The following RDH13 variants were observed in gnomAD, a reference collection of about 807,000 sequenced individuals.
RDH13 encodes retinol dehydrogenase 13 (all-trans and 9-cis).
RDH13 carries 35 observed loss-of-function variants against 28.3 expected under a neutral mutation model. The observed-to-expected ratio is 1.24, with a 90% confidence interval of 0.95 to 1.64. The LOEUF is 1.64. Ranked by LOEUF, RDH13 falls within the 40% of genes most tolerant of loss-of-function variation. The pLI is 0.00. For missense variants in RDH13, 514 were observed against 446.3 expected (o/e 1.15, Z -1.37); for synonymous variants, 229 against 198.5 (o/e 1.15, Z -1.29).
rs372123620 is a variant in RDH13, at chr19:55,057,866, G to A, written c.185-1058C>T. Among the ~76,000 whole-genome samples the A allele has an allele frequency of 6.0e-5, 9 of 149,220 alleles. No homozygotes were observed. The South Asian group carries it at 1.1e-3, about 18-fold the overall frequency. On this transcript the variant is annotated intron_variant, in intron 2 of 6. Transcript: ENST00000415061. The stretch of plus-strand genomic sequence containing the variant: ...CTGCTGCCGCGGCTGGAGTGCTGGC[G>A]CCATCACAGCTCATTCAGCCTTGAA...
At chr19:55,068,762 G>C (rs949344162) in intron 1 of RDH13, 1 of 146,438 alleles carries the variant, frequency 6.8e-6, no homozygotes, top group Non-Finnish European at 1.5e-5. Flanking sequence ...CGTGAACCCG[G>C]GAGGCGGAGC....
intron 3 of RDH13, among the ~76,000 whole-genome samples, chr19:55,052,063 CTTTTTTTTTTT>C (rs111427426): frequency 0.53 from 63,993 of 121,758 alleles, 15,101 homozygotes; most frequent in Middle Eastern, 0.61. Flanking sequence ...ACTGCCTCAA[CTTTTTTTTTTT>C]TTTTTTTTTT....
chr19:55,042,247 C>T (rs984004164), downstream of RDH13: 2 of 152,180 alleles, frequency 1.3e-5, no homozygotes, highest in Non-Finnish European at 2.9e-5. Context: ...TCCTCCGTCC[C>T]ACGCAATGGG....
upstream of RDH13, among the ~76,000 whole-genome samples, chr19:55,064,830 C>G (rs1026590997): frequency 1.3e-5 from 2 of 150,042 alleles, no homozygotes; most frequent in Non-Finnish European, 2.9e-5. Context: ...CCAGGTTGGT[C>G]TCAAACTCCT....
At chr19:55,058,072 C>T (rs113700928) in intron 2 of RDH13, among the ~76,000 whole-genome samples, 2,341 of 152,070 alleles carry the variant, frequency 0.015, 67 homozygotes, top group African/African-American at 0.053. Context: ...CACCGAGACC[C>T]GCCCTCTTAG....
chr19:55,068,748 A>C (rs1415685643), intron 1 of RDH13: 2 of 144,784 alleles, frequency 1.4e-5, no homozygotes, highest in African/African-American at 5.2e-5. Context: ...AGGCAGGAGA[A>C]TGGCGTGAAC....
intron 1 of RDH13, among the ~76,000 whole-genome samples, chr19:55,062,145 A>G (rs2075826871): frequency 6.6e-6 from 1 of 151,570 alleles, no homozygotes; most frequent in Non-Finnish European, 1.5e-5. Context: ...TTCACTTAAC[A>G]CATCAGCGAG....
chr19:55,053,984 G>A (rs11084387), intron 3 of RDH13: 22,147 of 152,146 alleles, frequency 0.15, 1,858 homozygotes, highest in African/African-American at 0.22. Context: ...TGATCTCACC[G>A]TAGTGCCTCT....
chr19:55,048,264 T>C (rs1364834351), intron 5 of RDH13, 65 bp downstream of exon 5: 26 of 1,602,022 alleles, frequency 1.6e-5, no homozygotes, highest in African/African-American at 2.7e-5. Flanking sequence ...CAGCCTAGGA[T>C]CATGGAAAGG....
intron 3 of RDH13, among the ~76,000 whole-genome samples, chr19:55,051,411 T>G (rs2075428249): frequency 6.6e-6 from 1 of 150,410 alleles, no homozygotes; most frequent in Admixed American, 6.6e-5. Flanking sequence ...GCTTCTGGTG[T>G]TTTGTTTTGG....
At chr19:55,059,830 T>A (rs1381009567) in intron 1 of RDH13, among the ~76,000 whole-genome samples, 1 of 152,232 alleles carries the variant, frequency 6.6e-6, no homozygotes, top group Non-Finnish European at 1.5e-5. Flanking sequence ...CCCAGCCACT[T>A]TGACCCAATC....
intron 3 of RDH13, among the ~76,000 whole-genome samples, chr19:55,053,173 G>A (rs2075512518): frequency 6.6e-6 from 1 of 152,154 alleles, no homozygotes; most frequent in South Asian, 2.1e-4. Flanking sequence ...CTCCCAAAGT[G>A]CCGGGATGAC....
chr19:55,061,908 G>A (rs895330408), intron 1 of RDH13, among the ~76,000 whole-genome samples: 2 of 151,968 alleles, frequency 1.3e-5, no homozygotes, highest in African/African-American at 4.8e-5. Context: ...CCCTTTGGTC[G>A]GGAGCTCAAG....
chr19:55,045,181 C>T lies in RDH13; in HGVS notation c.889G>A (p.Ala297Thr), dbSNP rs368353851. The T allele has an allele frequency of 4.3e-6, 7 of 1,613,650 alleles. No homozygotes were observed. The highest frequency in any genetic ancestry group is 5.9e-6 in the Non-Finnish European group (7 of 1,180,018). Residue 297 changes from alanine (A) to threonine (T), a missense_variant, in exon 7 of 7, where the codon GCC becomes ACC. Physicochemically the swap from Ala to Thr is moderately conservative, Grantham distance 58. Transcript: ENST00000415061. Reference protein sequence around the residue: ...YFDGLKQKAPAPEAEDEEVAR... With the variant: ...YFDGLKQKAPTPEAEDEEVAR... Reference sequence around the variant, plus strand: ...ACCTCCTCATCCTCAGCCTCGGGGGCCGGGGCCTTCTGTTTGAGTCCATCG... The same window carrying T: ...ACCTCCTCATCCTCAGCCTCGGGGGTCGGGGCCTTCTGTTTGAGTCCATCG...
In RDH13 at chr19:55,047,460, G is replaced by A. The variant is rs1269488238; in HGVS notation, c.687C>T (p.His229=). The A allele has an allele frequency of 6.2e-7, 1 of 1,609,500 alleles. No homozygotes were observed. Among genetic ancestry groups the A allele is most frequent in the Non-Finnish European group, 8.5e-7 (1 of 1,179,896 alleles). ...CCAGCTCTGTCCTGGCCACGCCGGG[G>A]TGCAGGGCGTTGACAGTCACACCAG... ...QGSGVTVNAL[H]PGVARTELGR... is the part of the protein sequence containing the mutation. The change falls in exon 6 of 7, where the codon CAC becomes CAT. Residue 229 remains histidine, a synonymous_variant. Coordinates refer to ENST00000415061, the MANE Select transcript of RDH13 (RefSeq NM_001145971.2).
chr19:55,045,057 C>CAAATCTGCTCCAGAGG lies in RDH13; in HGVS notation c.*1_*16dup. The CAAATCTGCTCCAGAGG allele has an allele frequency of 1.3e-6, 2 of 1,553,780 alleles. No individual in the cohort carries two copies. Among genetic ancestry groups the CAAATCTGCTCCAGAGG allele is most frequent in the Non-Finnish European group, 1.7e-6 (2 of 1,146,078 alleles). On this transcript the variant is annotated 3_prime_UTR_variant, in exon 7 of 7. Coordinates refer to ENST00000415061, the MANE Select transcript of RDH13 (RefSeq NM_001145971.2). Reference sequence around the variant, plus strand: ...GGTCTGGAGGCGCCATCCTGGCTTTCAAATCTGCTCCAGAGGTTATCTGGG... The same window carrying CAAATCTGCTCCAGAGG: ...GGTCTGGAGGCGCCATCCTGGCTTTCAAATCTGCTCCAGAGGAAATCTGCTCCAGAGGTTATCTGGG...
At chr19:55,052,404 C>T (rs1257547657) in intron 3 of RDH13, among the ~76,000 whole-genome samples, 12 of 151,498 alleles carry the variant, frequency 7.9e-5, no homozygotes, top group African/African-American at 2.9e-4. Flanking sequence ...ATTAGCCGGG[C>T]GTGGTGGCGC....
At chr19:55,059,414 A>G (rs1671176) in intron 1 of RDH13, 139 bp from the exon 2 acceptor site, 1 of 619,210 alleles carries the variant, frequency 1.6e-6, no homozygotes, top group African/African-American at 1.8e-5. Context: ...CATCACACCA[A>G]GGGACCTCTG....
chr19:55,062,889 G>T, intron 1 of RDH13, 79 bp downstream of exon 1: 1 of 1,233,624 alleles, frequency 8.1e-7, no homozygotes. Flanking sequence ...GGTGCGAGGG[G>T]CGGGGGTCTC....
Sources: gnomAD v4.1 joint callset for allele counts (sites outside exome capture counted in the v4.1 genomes callset) on GRCh38, gnomAD v4.1.1 for gene constraint, MANE v1.5 for transcripts, NCBI Gene and HGNC (gene_info 2026-07-23, HGNC 2026-07-21) for gene names.